The following ADAMTS6 variants were observed in gnomAD, a reference collection of about 807,000 sequenced individuals.
ADAMTS6 encodes ADAM metallopeptidase with thrombospondin type 1 motif 6, also known as A disintegrin and metalloproteinase with thrombospondin motifs 6.
Under a neutral mutation model 144.3 loss-of-function variants are expected in ADAMTS6, and 23 were observed. The ratio of observed to expected loss-of-function variants is 0.16; its 90% confidence interval spans 0.11 to 0.23. The LOEUF (loss-of-function observed/expected upper bound fraction) is 0.23, where lower values mean the gene tolerates loss of function less well. Among genes scored for constraint, ADAMTS6 ranks in the 10% least tolerant of loss-of-function variants. ADAMTS6 has a pLI of 1.00. For missense variants in ADAMTS6, 999 were observed against 1,379.6 expected (o/e 0.72, Z 4.37); for synonymous variants, 444 against 457.5 (o/e 0.97, Z 0.38).
At chr5:65,313,977 A>AT (rs541065029) in intron 9 of ADAMTS6, among the ~76,000 whole-genome samples, 96 of 152,212 alleles carry the variant, frequency 6.3e-4, no homozygotes, top group African/African-American at 2.1e-3. Context: ...AGTTAAAAAA[A>AT]ATATATATAA....
chr5:65,230,239 AG>A (rs1313489781), intron 15 of ADAMTS6, among the ~76,000 whole-genome samples: 1 of 147,316 alleles, frequency 6.8e-6, no homozygotes, highest in African/African-American at 2.5e-5. Flanking sequence ...TTATAACTAT[AG>A]ATTTTTATAT....
intron 15 of ADAMTS6, among the ~76,000 whole-genome samples, chr5:65,227,169 T>C (rs1423700503): frequency 6.6e-6 from 1 of 152,164 alleles, no homozygotes; most frequent in Non-Finnish European, 1.5e-5. Context: ...CAAGGATAAA[T>C]ATAAAATATA....
In ADAMTS6 at chr5:65,398,486, AG is replaced by A. The variant is rs1378095460; in HGVS notation, c.1073+52988del. ...ACGCCTGTAATCCCAACACTTTGGG[AG>A]GCCAAGGCAGGCAGATCACTTGAGG... On this transcript the variant is annotated intron_variant, in intron 7 of 24. Coordinates refer to ENST00000381055, the MANE Select transcript of ADAMTS6 (RefSeq NM_197941.4). Among the ~76,000 whole-genome samples the A allele has an allele frequency of 2.0e-5, 3 of 152,172 alleles. No homozygotes were observed. The East Asian group carries it at 5.8e-4, about 30-fold the overall frequency.
chr5:65,415,597 T>G, intron 7 of ADAMTS6: 1 of 368,514 alleles, frequency 2.7e-6, no homozygotes, highest in Non-Finnish European at 5.4e-6. Flanking sequence ...TATCTCTTCT[T>G]CCTGCCCATC....
chr5:65,391,076 A>G (rs1214337951), intron 7 of ADAMTS6, among the ~76,000 whole-genome samples: 2 of 151,192 alleles, frequency 1.3e-5, no homozygotes, highest in Admixed American at 1.3e-4. Flanking sequence ...ACACACCACC[A>G]CAGCTGGCTA....
At chr5:65,457,467 A>G (rs1283902634) in intron 4 of ADAMTS6, among the ~76,000 whole-genome samples, 1 of 152,222 alleles carries the variant, frequency 6.6e-6, no homozygotes, top group Non-Finnish European at 1.5e-5. Flanking sequence ...AGCCATAAGA[A>G]TGGATTGGAG....
At chr5:65,227,317 T>TA (rs1318372401) in intron 15 of ADAMTS6, among the ~76,000 whole-genome samples, 1 of 152,152 alleles carries the variant, frequency 6.6e-6, no homozygotes, top group Admixed American at 6.5e-5. Flanking sequence ...ACTGCAATTT[T>TA]AAAAAACAGA....
intron 4 of ADAMTS6, among the ~76,000 whole-genome samples, chr5:65,454,909 G>A (rs972632899): frequency 3.3e-5 from 5 of 152,180 alleles, no homozygotes; most frequent in Admixed American, 6.5e-5. Flanking sequence ...ACAGACTCCT[G>A]ACCAACAGAA....
chr5:65,445,827 T>C (rs921995885), intron 7 of ADAMTS6, among the ~76,000 whole-genome samples: 2 of 152,014 alleles, frequency 1.3e-5, no homozygotes, highest in Non-Finnish European at 2.9e-5. Context: ...GGGTAGATAA[T>C]AGTGGGCAAC....
intron 7 of ADAMTS6, among the ~76,000 whole-genome samples, chr5:65,446,322 AT>A (rs1758268419): frequency 6.6e-6 from 1 of 152,166 alleles, no homozygotes; most frequent in African/African-American, 2.4e-5. Flanking sequence ...ACAATAAACC[AT>A]TTTTATAGCT....
intron 7 of ADAMTS6, among the ~76,000 whole-genome samples, chr5:65,367,862 G>GTA (rs1159089601): frequency 7.3e-5 from 11 of 151,504 alleles, no homozygotes; most frequent in Admixed American, 5.9e-4. Context: ...ATATCTATAT[G>GTA]TATATATATG....
chr5:65,164,767 G>T (rs1753048637), intron 24 of ADAMTS6, among the ~76,000 whole-genome samples: 1 of 138,936 alleles, frequency 7.2e-6, no homozygotes, highest in African/African-American at 2.8e-5. Flanking sequence ...CCCAGCAGGG[G>T]CACACTGACA....
chr5:65,311,343 A>G (rs1744475809), intron 9 of ADAMTS6, among the ~76,000 whole-genome samples: 2 of 152,134 alleles, frequency 1.3e-5, no homozygotes, highest in African/African-American at 4.8e-5. Context: ...CAAAGTGGTT[A>G]CTATACAGAG....
chr5:65,390,635 A>G (rs541188704), intron 7 of ADAMTS6, among the ~76,000 whole-genome samples: 3 of 152,340 alleles, frequency 2.0e-5, no homozygotes, highest in Admixed American at 6.5e-5. Flanking sequence ...CTTTTTTCAT[A>G]CTGTACATGT....
chr5:65,371,269 G>C lies in ADAMTS6; in HGVS notation c.1074-37184C>G, dbSNP rs1750879619. 2.6e-5 allele frequency among the ~76,000 whole-genome samples: 4 copies of C among 152,210 alleles called. 1 individual carries two copies. The South Asian group carries it at 8.3e-4, about 32-fold the overall frequency. On this transcript the variant is annotated intron_variant, in intron 7 of 24. Transcript: ENST00000381055. Reference sequence around the variant, plus strand: ...ACCAGCAACGGAACAAAGCTGGACGGAGAATGACTTTGACGAGCTGAGAGA... The same window carrying C: ...ACCAGCAACGGAACAAAGCTGGACGCAGAATGACTTTGACGAGCTGAGAGA...
intron 7 of ADAMTS6, among the ~76,000 whole-genome samples, chr5:65,364,200 T>G (rs1297520687): frequency 6.6e-6 from 1 of 152,196 alleles, no homozygotes; most frequent in African/African-American, 2.4e-5. Flanking sequence ...AAATATTGAT[T>G]GAAAGGTTTT....
intron 7 of ADAMTS6, among the ~76,000 whole-genome samples, chr5:65,365,229 A>T (rs952782930): frequency 6.6e-6 from 1 of 152,138 alleles, no homozygotes; most frequent in Admixed American, 6.5e-5. Context: ...GGACAATAAT[A>T]TGTCTTAATA....
intron 7 of ADAMTS6, among the ~76,000 whole-genome samples, chr5:65,393,026 CA>C (rs1418652959): frequency 6.6e-6 from 1 of 152,144 alleles, no homozygotes; most frequent in Non-Finnish European, 1.5e-5. Context: ...AACTGATTTT[CA>C]AAATGTGCTC....
intron 15 of ADAMTS6, among the ~76,000 whole-genome samples, chr5:65,233,136 C>A (rs1758390291): frequency 6.6e-6 from 1 of 151,882 alleles, no homozygotes; most frequent in African/African-American, 2.4e-5. Flanking sequence ...CAGCATCTGA[C>A]AAAATTCAAC....
Sources: gnomAD v4.1 joint callset for allele counts (sites outside exome capture counted in the v4.1 genomes callset) on GRCh38, gnomAD v4.1.1 for gene constraint, MANE v1.5 for transcripts, NCBI Gene and HGNC (gene_info 2026-07-23, HGNC 2026-07-21) for gene names.